The following LDB2 variants were observed in gnomAD, a reference collection of about 807,000 sequenced individuals.
The protein encoded by LDB2 is LIM domain binding 2.
Under a neutral mutation model 44.3 loss-of-function variants are expected in LDB2, and 12 were observed. That is an observed-to-expected ratio of 0.27 (90% confidence interval 0.17 to 0.44). The LOEUF is 0.44. Among genes scored for constraint, LDB2 ranks in the 20% least tolerant of loss-of-function variants. LDB2 has a pLI of 1.00. For synonymous variants in LDB2, 164 were observed against 174.8 expected (o/e 0.94, Z 0.49); for missense variants, 344 against 473.5 (o/e 0.73, Z 2.54).
intron 5 of LDB2, among the ~76,000 whole-genome samples, chr4:16,517,669 A>C (rs548787161): frequency 6.6e-6 from 1 of 152,202 alleles, no homozygotes; most frequent in African/African-American, 2.4e-5. Flanking sequence ...ACCCATAAAC[A>C]TGGTGTCCCT....
At chr4:16,683,517 T>C (rs980109376) in intron 2 of LDB2, among the ~76,000 whole-genome samples, 1 of 152,186 alleles carries the variant, frequency 6.6e-6, no homozygotes, top group Non-Finnish European at 1.5e-5. Context: ...CCAAAGTTTC[T>C]TTCAGCTCTA....
At chr4:16,508,709 G>A in intron 6 of LDB2, 23 bp from the exon 7 acceptor site, 1 of 1,611,412 alleles carries the variant, frequency 6.2e-7, no homozygotes, top group Non-Finnish European at 8.5e-7. Flanking sequence ...AAAGGGAAGA[G>A]GGATCAGTTC....
At position 16,889,760 on chromosome 4, in the gene LDB2, T is replaced by A. The variant is rs182072166; in HGVS notation, c.132+8594A>T. On this transcript the variant is annotated intron_variant, in intron 1 of 7. Coordinates refer to ENST00000304523, the MANE Select transcript of LDB2 (RefSeq NM_001290.5). ...CTGCCCTCATGGGGCTTATATTCTA[T>A]CAAGGACAAGCAAATACTTAAGAAA... Among the ~76,000 whole-genome samples the A allele has an allele frequency of 9.5e-4, 145 of 152,262 alleles. 1 individual carries two copies. Among genetic ancestry groups the A allele is most frequent in the African/African-American group, 3.4e-3 (141 of 41,538 alleles).
intron 1 of LDB2, among the ~76,000 whole-genome samples, chr4:16,822,947 T>C: frequency 6.6e-6 from 1 of 152,208 alleles, no homozygotes; most frequent in East Asian, 1.9e-4. Context: ...GGTGTTTTCC[T>C]CAAGTTCACA....
At chr4:16,898,266 CCA>C in intron 1 of LDB2, 86 bp downstream of exon 1, 1 of 1,327,866 alleles carries the variant, frequency 7.5e-7, no homozygotes, top group Non-Finnish European at 1.1e-6. Context: ...GGGACACTTC[CCA>C]TAGAATTCAG....
At chr4:16,704,535 A>G (rs1031119048) in intron 2 of LDB2, among the ~76,000 whole-genome samples, 1 of 152,132 alleles carries the variant, frequency 6.6e-6, no homozygotes, top group Non-Finnish European at 1.5e-5. Flanking sequence ...TCACACCCAC[A>G]CCTGCTCTGT....
At chr4:16,580,869 T>G (rs74904138) in intron 5 of LDB2, among the ~76,000 whole-genome samples, 3,748 of 152,336 alleles carry the variant, frequency 0.025, 159 homozygotes, top group African/African-American at 0.085. Flanking sequence ...CTTTATATTG[T>G]TGGAGATAAA....
At chr4:16,855,680 G>C (rs148734298) in intron 1 of LDB2, among the ~76,000 whole-genome samples, 4 of 152,178 alleles carry the variant, frequency 2.6e-5, no homozygotes, top group African/African-American at 7.2e-5. Context: ...AGTTATATCT[G>C]CCTATGTGAG....
chr4:16,650,270 T>C (rs1299966371), intron 2 of LDB2, among the ~76,000 whole-genome samples: 1 of 152,218 alleles, frequency 6.6e-6, no homozygotes, highest in East Asian at 1.9e-4. Flanking sequence ...GAAGGCTCCA[T>C]GAGTTAATAC....
intron 1 of LDB2, among the ~76,000 whole-genome samples, chr4:16,791,556 G>GGAAAAAAAAAAAAAA (rs781574671): frequency 3.4e-5 from 2 of 59,000 alleles, no homozygotes; most frequent in Non-Finnish European, 6.4e-5. Flanking sequence ...CTCTGGCTCA[G>GGAAAAAAAAAAAAAA]AAAAAAAAAA....
chr4:16,846,535 A>C (rs1787042169), intron 1 of LDB2, among the ~76,000 whole-genome samples: 1 of 152,194 alleles, frequency 6.6e-6, no homozygotes, highest in Non-Finnish European at 1.5e-5. Flanking sequence ...AGACTTTTGA[A>C]GGATGTTTTG....
chr4:16,860,565 C>T (rs148682210), intron 1 of LDB2, among the ~76,000 whole-genome samples: 3 of 152,324 alleles, frequency 2.0e-5, no homozygotes, highest in South Asian at 2.1e-4. Flanking sequence ...TGTGACCTCA[C>T]GTAAGTCATT....
At chr4:16,546,914 G>A (rs988040479) in intron 5 of LDB2, among the ~76,000 whole-genome samples, 1 of 152,052 alleles carries the variant, frequency 6.6e-6, no homozygotes, top group African/African-American at 2.4e-5. Flanking sequence ...TCTGCTCTAG[G>A]TCGACTTGCC....
At chr4:16,583,012 C>T (rs939661236) in intron 5 of LDB2, among the ~76,000 whole-genome samples, 1 of 152,236 alleles carries the variant, frequency 6.6e-6, no homozygotes, top group African/African-American at 2.4e-5. Context: ...TGCTGGCCAG[C>T]GTCTGTGTTC....
In LDB2 at chr4:16,749,974, T is replaced by C. The variant is rs552802063; in HGVS notation, c.235+9184A>G. ...GACTTCATCAACACCCGCTTCTCCA[T>C]GCCTCGTTGTACTTTTTATATTTTT... On this transcript the variant is annotated intron_variant, in intron 2 of 7. Transcript: ENST00000304523. Among the ~76,000 whole-genome samples the C allele has an allele frequency of 2.6e-5, 4 of 152,334 alleles. No individual in the cohort carries two copies. The South Asian group carries it at 8.3e-4, about 32-fold the overall frequency.
chr4:16,542,113 C>A (rs1052802302), intron 5 of LDB2, among the ~76,000 whole-genome samples: 1 of 86,790 alleles, frequency 1.2e-5, no homozygotes, highest in Non-Finnish European at 2.3e-5. Flanking sequence ...GGGGGGGGGG[C>A]GCGAGCAGGA....
At chr4:16,554,570 A>G (rs2152357710) in intron 5 of LDB2, among the ~76,000 whole-genome samples, 1 of 152,332 alleles carries the variant, frequency 6.6e-6, no homozygotes, top group African/African-American at 2.4e-5. Context: ...GATGCATTCA[A>G]AAAATAGAAC....
chr4:16,882,660 C>T (rs1442809773), intron 1 of LDB2, among the ~76,000 whole-genome samples: 1 of 152,074 alleles, frequency 6.6e-6, no homozygotes, highest in Admixed American at 6.6e-5. Context: ...TCCTTTCAGA[C>T]AAACACCTGG....
chr4:16,513,189 CTGAGCCT>C (rs1424887637), intron 5 of LDB2, among the ~76,000 whole-genome samples: 2 of 152,148 alleles, frequency 1.3e-5, no homozygotes, highest in Non-Finnish European at 2.9e-5. Context: ...CCTCTGAGCT[CTGAGCCT>C]TGATATCTCT....
Sources: allele counts gnomAD v4.1 joint callset (sites outside exome capture counted in the v4.1 genomes callset), GRCh38; gene constraint gnomAD v4.1.1; transcripts MANE v1.5; gene names NCBI Gene and HGNC (gene_info 2026-07-23, HGNC 2026-07-21).